HIVEP1: variants seen among roughly 807,000 people sequenced by gnomAD.
The protein encoded by HIVEP1 is zinc finger protein 40.
HIVEP1 carries 36 observed loss-of-function variants against 180.0 expected under a neutral mutation model. That is an observed-to-expected ratio of 0.20 (90% CI 0.15 to 0.26). The LOEUF is 0.26. Ranked by LOEUF, HIVEP1 falls within the 10% of genes least tolerant of loss-of-function variation. The pLI is 1.00. For missense variants in HIVEP1, 3,143 were observed against 3,268.7 expected (o/e 0.96, Z 0.94); for synonymous variants, 1,239 against 1,239.0 (o/e 1.00, Z 0.00).
At position 12,161,425 on chromosome 6, in the gene HIVEP1, G is replaced by T. The variant is rs545466574; in HGVS notation, c.6488-14G>T. 2.8e-4 allele frequency: 450 copies of T among 1,602,990 alleles called. 6 individuals are homozygous for T. The South Asian group carries it at 4.8e-3, about 17-fold the overall frequency. On this transcript the variant is annotated splice_polypyrimidine_tract_variant and intron_variant, in intron 7 of 8. Coordinates refer to ENST00000379388, the MANE Select transcript of HIVEP1 (RefSeq NM_002114.4). ...AAAGCATTCCATCACATACCTCTTG[G>T]TTGTTTTTATTAGATGAAAAACAGA...
chr6:12,146,301 G>C (rs1759370132), intron 7 of HIVEP1, among the ~76,000 whole-genome samples: 1 of 152,122 alleles, frequency 6.6e-6, no homozygotes, highest in Non-Finnish European at 1.5e-5. Context: ...AAATTAGCCA[G>C]GCATGATGGC....
intron 2 of HIVEP1, among the ~76,000 whole-genome samples, chr6:12,078,595 G>A (rs1772534449): frequency 7.0e-6 from 1 of 142,564 alleles, no homozygotes; most frequent in East Asian, 2.0e-4. Flanking sequence ...CCTTGTATCT[G>A]AGTCCTCCTT....
intron 3 of HIVEP1, among the ~76,000 whole-genome samples, chr6:12,093,152 C>T (rs886745383): frequency 6.6e-6 from 1 of 152,120 alleles, no homozygotes; most frequent in African/African-American, 2.4e-5. Flanking sequence ...AAATGGCCTC[C>T]TGCTTATTTA....
At chr6:12,046,494 T>C (rs1770120280) in intron 2 of HIVEP1, among the ~76,000 whole-genome samples, 1 of 152,110 alleles carries the variant, frequency 6.6e-6, no homozygotes, top group African/African-American at 2.4e-5. Flanking sequence ...GAATCCTGGG[T>C]TGCTGGCCAG....
intron 2 of HIVEP1, among the ~76,000 whole-genome samples, chr6:12,088,744 G>A (rs1429417902): frequency 3.4e-5 from 5 of 148,460 alleles, no homozygotes; most frequent in East Asian, 1.9e-4. Context: ...GCTCATCCTC[G>A]TCTCTGTTTT....
At chr6:12,092,243 A>C (rs942007226) in intron 3 of HIVEP1, among the ~76,000 whole-genome samples, 2 of 152,168 alleles carry the variant, frequency 1.3e-5, no homozygotes, top group South Asian at 4.1e-4. Flanking sequence ...TTTAAAAAAC[A>C]ATTATGTCAT....
At chr6:12,037,619 G>T in intron 2 of HIVEP1, 1 of 389,864 alleles carries the variant, frequency 2.6e-6, no homozygotes, top group Middle Eastern at 6.5e-4. Flanking sequence ...ATATGAAATA[G>T]ATAGTAGCAG....
At chr6:12,037,914 T>C (rs1769398931) in intron 2 of HIVEP1, 2 of 391,838 alleles carry the variant, frequency 5.1e-6, no homozygotes, top group African/African-American at 2.1e-5. Flanking sequence ...AGTTCCTCAC[T>C]TTGTTGCCCA....
intron 3 of HIVEP1, among the ~76,000 whole-genome samples, chr6:12,119,049 A>G (rs545112904): frequency 1.3e-5 from 2 of 152,346 alleles, no homozygotes; most frequent in South Asian, 2.1e-4. Flanking sequence ...AAGCCAATCT[A>G]GGTCCATTTG....
At chr6:12,090,243 A>G (rs138315870) in intron 3 of HIVEP1, among the ~76,000 whole-genome samples, 117 of 152,216 alleles carry the variant, frequency 7.7e-4, no homozygotes, top group African/African-American at 2.8e-3. Context: ...TGACATTTGT[A>G]TTCCGTGATT....
intron 2 of HIVEP1, among the ~76,000 whole-genome samples, chr6:12,052,180 A>G (rs886737622): frequency 2.6e-5 from 4 of 152,224 alleles, no homozygotes; most frequent in Non-Finnish European, 4.4e-5. Context: ...AGACCACGGC[A>G]TATGTATACA....
intron 2 of HIVEP1, among the ~76,000 whole-genome samples, chr6:12,041,956 G>A (rs1322680230): frequency 1.3e-5 from 2 of 151,584 alleles, no homozygotes; most frequent in African/African-American, 4.9e-5. Flanking sequence ...ACCGTGCCTG[G>A]CCAGTTTTGT....
At chr6:12,174,532 C>T in the HIVEP1 span, among the ~76,000 whole-genome samples, 3 of 152,110 alleles carry the variant, frequency 2.0e-5, no homozygotes, top group East Asian at 1.9e-4. Flanking sequence ...AGAACTGACA[C>T]AGGGACCCCA....
At position 12,164,165 on chromosome 6, in the gene HIVEP1, G is replaced by T; in HGVS notation, c.7861G>T (p.Ala2621Ser). The stretch of plus-strand genomic sequence containing the variant: ...AAAAGTTCTGAATCCACCTGCCCCT[G>T]CAGGTGACCATGCAAGGCTTGATGG... ...AKKVLNPPAP[A>S]GDHARLDGLS... Residue 2621 changes from alanine (A) to serine (S), a missense_variant, in exon 9 of 9, where the codon GCA (alanine) becomes TCA (serine). Ala to Ser is a moderately conservative substitution (Grantham distance 99). Transcript: ENST00000379388. The T allele has an allele frequency of 6.2e-7, 1 of 1,614,228 alleles. No homozygotes were observed. Among genetic ancestry groups the T allele is most frequent in the Non-Finnish European group, 8.5e-7 (1 of 1,180,044 alleles).
At position 12,164,143 on chromosome 6, in the gene HIVEP1, A is replaced by T. The variant is rs763065115; in HGVS notation, c.7839A>T (p.Lys2613Asn). 6.2e-7 allele frequency: 1 copy of T among 1,614,178 alleles called. No homozygotes were observed. Among genetic ancestry groups the T allele is most frequent in the Non-Finnish European group, 8.5e-7 (1 of 1,180,036 alleles). The change falls in exon 9 of 9, where the codon AAA (lysine) becomes AAT (asparagine). Residue 2613 changes from lysine to asparagine, a missense_variant. Lys to Asn is a moderately conservative substitution (Grantham distance 94). Around this residue, in one of 12 missense-constraint regions of HIVEP1, gnomAD observed 595 missense variants for 602.2 expected, o/e 0.99. Coordinates refer to ENST00000379388, the MANE Select transcript of HIVEP1 (RefSeq NM_002114.4). ...CAGTCCAGCGGGAAAATGCAAAAAAAGTTCTGAATCCACCTGCCCCTGCAG... is the reference window on the plus strand; with the variant it reads ...CAGTCCAGCGGGAAAATGCAAAAAATGTTCTGAATCCACCTGCCCCTGCAG... ...LPTVQRENAK[K>N]VLNPPAPAGD...
At chr6:12,192,187 C>A in the HIVEP1 span, among the ~76,000 whole-genome samples, 2 of 151,956 alleles carry the variant, frequency 1.3e-5, no homozygotes, top group Admixed American at 1.3e-4. Flanking sequence ...CATATAGAAC[C>A]ATTATTTTTA....
chr6:12,160,447 G>C (rs769238560), intron 7 of HIVEP1, among the ~76,000 whole-genome samples: 10 of 152,264 alleles, frequency 6.6e-5, no homozygotes, highest in Admixed American at 2.6e-4. Flanking sequence ...ATGACGACAC[G>C]GAGGACCATT....
the HIVEP1 span, among the ~76,000 whole-genome samples, chr6:12,193,546 A>G: frequency 1.3e-5 from 2 of 152,246 alleles, no homozygotes; most frequent in South Asian, 2.1e-4. Flanking sequence ...TGCTAAATTA[A>G]TAGGCTAAAA....
the HIVEP1 span, among the ~76,000 whole-genome samples, chr6:12,190,680 A>G: frequency 1.3e-5 from 2 of 151,892 alleles, no homozygotes; most frequent in African/African-American, 2.4e-5. Flanking sequence ...CCTTCCTTTC[A>G]TACTCAATTT....
Sources: gnomAD v4.1 joint callset for allele counts (sites outside exome capture counted in the v4.1 genomes callset) on GRCh38, gnomAD v4.1.1 for gene constraint, gnomAD v4.1.1 regional missense constraint, MANE v1.5 for transcripts, NCBI Gene and HGNC (gene_info 2026-07-23, HGNC 2026-07-21) for gene names.